FRMPD3: variants seen among roughly 807,000 people sequenced by gnomAD.
FRMPD3 encodes FERM and PDZ domain containing 3, also known as FERM and PDZ domain-containing protein 3.
Under a neutral mutation model 97.9 loss-of-function variants are expected in FRMPD3, and 42 were observed. The observed-to-expected ratio is 0.43, with a 90% CI of 0.34 to 0.55. The LOEUF is 0.55. Ranked by LOEUF, FRMPD3 falls within the 20% of genes least tolerant of loss-of-function variation. The probability of loss-of-function intolerance (pLI) is 0.03; values close to 1 mark genes in which losing one functional copy is unlikely to be tolerated. For missense variants in FRMPD3, 1,303 were observed against 1,457.7 expected (o/e 0.89, Z 1.73); for synonymous variants, 577 against 581.1 (o/e 0.99, Z 0.10).
intron 13 of FRMPD3, among the ~76,000 whole-genome samples, chrX:107,587,630 T>C (rs999246433): frequency 1.3e-4 from 15 of 112,029 alleles, no homozygotes; most frequent in African/African-American, 4.5e-4. Flanking sequence ...CAGGAGCTCT[T>C]ATAAGGCAGG....
At chrX:107,488,839 T>TTTA (rs1316742062) in intron 1 of FRMPD3, among the ~76,000 whole-genome samples, 4 of 110,895 alleles carry the variant, frequency 3.6e-5, no homozygotes, top group Non-Finnish European at 7.6e-5. Context: ...TTAATTTTAT[T>TTTA]TTATTATTAT....
At chrX:107,511,687 G>T (rs1030539480) in intron 1 of FRMPD3, among the ~76,000 whole-genome samples, 4 of 112,872 alleles carry the variant, frequency 3.5e-5, no homozygotes, top group African/African-American at 1.3e-4. Flanking sequence ...TTGAGCCCTG[G>T]GTCTTTGGCT....
At chrX:107,508,207 G>T (rs760430490) in intron 1 of FRMPD3, among the ~76,000 whole-genome samples, 1 of 111,923 alleles carries the variant, frequency 8.9e-6, no homozygotes, top group African/African-American at 3.2e-5. Flanking sequence ...TGGCTTTAAT[G>T]AAATAGTAAA....
At chrX:107,531,343 CCTCTCTCT>C (rs369827990) in intron 3 of FRMPD3, among the ~76,000 whole-genome samples, 189 of 102,171 alleles carry the variant, frequency 1.8e-3, no homozygotes, top group Non-Finnish European at 6.9e-4. Context: ...TTTCTCTCTC[CCTCTCTCT>C]CTCTCTCTCT....
intron 1 of FRMPD3, among the ~76,000 whole-genome samples, chrX:107,460,710 T>C (rs141231588): frequency 3.5e-3 from 393 of 111,158 alleles, no homozygotes; most frequent in African/African-American, 0.012. Flanking sequence ...ATGTTTTAAA[T>C]AAATTTGCCT....
Position 107,604,172 on chromosome X carries a change from G to T in FRMPD3, c.*799G>T, listed in dbSNP as rs1029337487. ...GCAGGCCTAGGAGCCCGCCTAGCCC[G>T]GCCCAGCCCAGCTCAGGGGCTGTTG... is the stretch of plus-strand genomic sequence containing the variant. On this transcript the variant is annotated 3_prime_UTR_variant, in exon 15 of 15. Transcript: ENST00000683843. 4.4e-4 allele frequency: 47 copies of T among 106,441 alleles called. No homozygotes were observed. Among genetic ancestry groups the T allele is most frequent in the African/African-American group, 1.5e-3 (44 of 29,198 alleles). 8.8% of individuals were successfully genotyped at this position (106,441 alleles called of 1,213,427 possible). A position where few individuals can be genotyped will look rare whatever the true frequency, so the allele number is the denominator to read the frequency against.
chrX:107,565,531 A>C (rs1922561869), intron 12 of FRMPD3, among the ~76,000 whole-genome samples: 1 of 109,557 alleles, frequency 9.1e-6, no homozygotes, highest in Non-Finnish European at 1.9e-5. Context: ...CTGTCTCTAC[A>C]AAAAATTACA....
At chrX:107,505,124 C>T (rs1225496797) in intron 1 of FRMPD3, among the ~76,000 whole-genome samples, 1 of 112,229 alleles carries the variant, frequency 8.9e-6, no homozygotes, top group East Asian at 2.8e-4. Context: ...CAGCAGCCCC[C>T]TCCCACCTTG....
At chrX:107,502,646 A>G (rs1463984802) in intron 1 of FRMPD3, among the ~76,000 whole-genome samples, 1 of 112,033 alleles carries the variant, frequency 8.9e-6, no homozygotes, top group Non-Finnish European at 1.9e-5. Flanking sequence ...AGCCCTTAAA[A>G]AAAACCAAAA....
At chrX:107,478,425 C>T (rs1311631790) in intron 1 of FRMPD3, among the ~76,000 whole-genome samples, 1 of 111,863 alleles carries the variant, frequency 8.9e-6, no homozygotes, top group Non-Finnish European at 1.9e-5. Context: ...ACCTAGATGT[C>T]AGGCTCCCAG....
At chrX:107,502,440 A>T (rs769731807) in intron 1 of FRMPD3, among the ~76,000 whole-genome samples, 3 of 111,208 alleles carry the variant, frequency 2.7e-5, no homozygotes, top group Non-Finnish European at 5.7e-5. Flanking sequence ...ATATCCCTGC[A>T]ACTTCAACAT....
chrX:107,485,234 GGTTCCTCTGCTGGTGAGACA>G (rs977341820), intron 1 of FRMPD3, among the ~76,000 whole-genome samples: 2 of 112,669 alleles, frequency 1.8e-5, no homozygotes, highest in Non-Finnish European at 3.8e-5. Flanking sequence ...ATGGAGCTTG[GGTTCCTCTGCTGGTGAGACA>G]GTTCCTCAGG....
intron 1 of FRMPD3, among the ~76,000 whole-genome samples, chrX:107,491,051 A>G (rs903912363): frequency 1.3e-4 from 15 of 111,467 alleles, no homozygotes; most frequent in Admixed American, 1.1e-3. Flanking sequence ...AAAACTGACC[A>G]CCTACTATTG....
Position 107,597,682 on chromosome X carries a change from T to A in FRMPD3, c.1803T>A (p.Asn601Lys), listed in dbSNP as rs1397583607. 2 of 1,210,309 alleles carry A rather than the reference T, an allele frequency of 1.7e-6. No homozygotes were observed. Among genetic ancestry groups the A allele is most frequent in the Non-Finnish European group, 2.2e-6 (2 of 895,210 alleles). ...ASRARSYTLD[N>K]SLGAEALNFY... ...GGGCCCGGTCCTACACCTTGGACAA[T>A]TCCCTTGGGGCTGAAGCCCTGAATT... Residue 601 changes from asparagine to lysine, a missense_variant, in exon 14 of 15, where the codon AAT becomes AAA. By Grantham distance (94) the Asn-to-Lys change is moderately conservative. Around this residue, in one of 3 missense-constraint regions of FRMPD3, gnomAD observed 535 missense variants for 618.6 expected, o/e 0.86. Coordinates refer to ENST00000683843, the MANE Select transcript of FRMPD3 (RefSeq NM_001388459.1).
chrX:107,585,423 A>G (rs1352793633), intron 13 of FRMPD3, among the ~76,000 whole-genome samples: 18 of 111,558 alleles, frequency 1.6e-4, no homozygotes, highest in African/African-American at 9.8e-5. Flanking sequence ...TCCTATTTGA[A>G]TACACTTTAT....
chrX:107,505,146 A>C (rs973481096), intron 1 of FRMPD3, among the ~76,000 whole-genome samples: 1 of 112,070 alleles, frequency 8.9e-6, no homozygotes, highest in Non-Finnish European at 1.9e-5. Context: ...AGACAGACTA[A>C]TCCCTGACAT....
chrX:107,603,600 C>T lies in FRMPD3; in HGVS notation c.*227C>T. 2 of 574,729 alleles carry T rather than the reference C, an allele frequency of 3.5e-6. No individual in the cohort carries two copies. Among genetic ancestry groups the T allele is most frequent in the South Asian group, 9.1e-5 (2 of 21,906 alleles). The allele number at this position is 574,729 out of a possible 1,213,427, so 47.4% of individuals were successfully genotyped here. ...CACCCCTTCCCTGGCCTCTGGGCCT[C>T]ACTGTGAGGGCAAAGGCCCCTCTTC... is the stretch of plus-strand genomic sequence containing the variant. On this transcript the variant is annotated 3_prime_UTR_variant, in exon 15 of 15. Coordinates refer to ENST00000683843, the MANE Select transcript of FRMPD3 (RefSeq NM_001388459.1).
intron 5 of FRMPD3, among the ~76,000 whole-genome samples, chrX:107,547,349 CCT>C (rs1407855348): frequency 9.0e-6 from 1 of 110,580 alleles, no homozygotes; most frequent in Non-Finnish European, 1.9e-5. Context: ...ACTCCCCTCC[CCT>C]CTCTTCTCTT....
chrX:107,597,762 G>A lies in FRMPD3; in HGVS notation c.1883G>A (p.Gly628Asp), dbSNP rs765838180. ...CAGGAGCAGCTGGGCCCTCGCAAAG[G>A]TGGGAAGCCTGGCTCCTCTCGTGAC... ...KLQEQLGPRK[G>D]GKPGSSRDNI... Residue 628 changes from glycine to aspartate, a missense_variant, in exon 14 of 15, where the codon GGT becomes GAT. Physicochemically the swap from Gly to Asp is moderately conservative, Grantham distance 94. Transcript: ENST00000683843. The A allele has an allele frequency of 4.2e-6, 5 of 1,190,457 alleles. No homozygotes were observed. Among genetic ancestry groups the A allele is most frequent in the African/African-American group, 3.5e-5 (2 of 56,677 alleles).
Sources: allele counts gnomAD v4.1 joint callset (sites outside exome capture counted in the v4.1 genomes callset), GRCh38; gene constraint gnomAD v4.1.1; regional missense constraint gnomAD v4.1.1; transcripts MANE v1.5; gene names NCBI Gene and HGNC (gene_info 2026-07-23, HGNC 2026-07-21).